SLC23A2: variants seen among roughly 807,000 people sequenced by gnomAD.
The protein encoded by SLC23A2 is Na(+)/L-ascorbic acid transporter 2.
In SLC23A2, 36 loss-of-function variants were observed where a neutral mutation model predicts 73.3. The observed-to-expected ratio is 0.49, with a 90% CI of 0.38 to 0.65. The LOEUF (loss-of-function observed/expected upper bound fraction) is 0.65, where lower values mean the gene tolerates loss of function less well. Among genes scored for constraint, SLC23A2 ranks in the 30% least tolerant of loss-of-function variants. The pLI is 0.00. For synonymous variants in SLC23A2, 343 were observed against 327.3 expected, an observed-to-expected ratio of 1.05 and a Z score of -0.52; for missense variants, 507 against 841.6, an observed-to-expected ratio of 0.60 and a Z score of 4.92.
rs1931783251 is a variant in SLC23A2, at chr20:4,902,459, T to C, written c.307A>G (p.Ile103Val). Residue 103 changes from isoleucine to valine, a missense_variant, in exon 5 of 17, where the codon ATA becomes GTA. Around this residue, in one of 5 missense-constraint regions of SLC23A2, gnomAD observed 217 missense variants for 398.0 expected, o/e 0.55. Coordinates refer to ENST00000338244, the MANE Select transcript of SLC23A2 (RefSeq NM_005116.6). This position sits in a 1 kb window ranked among gnomAD's most constrained non-coding sequence, Gnocchi z 4.0. ...IEDVPPWYLCIFLGLQHYLTC... is the reference protein window; with the variant it reads ...IEDVPPWYLCVFLGLQHYLTC... ...CATCTTACCTGTAGCCCCAGAAATA[T>C]ACACAGGTACCAGGGAGGAACATCT... 1.3e-6 allele frequency: 2 copies of C among 1,597,966 alleles called. No individual in the cohort carries two copies. The highest frequency in any genetic ancestry group is 1.1e-5 in the South Asian group (1 of 90,004).
intron 6 of SLC23A2, among the ~76,000 whole-genome samples, chr20:4,895,416 C>A (rs974775142): frequency 6.6e-6 from 1 of 152,104 alleles, no homozygotes; most frequent in East Asian, 1.9e-4. Flanking sequence ...TAATTCACAG[C>A]CTATGATGGA....
At chr20:4,959,754 C>T (rs1453209799) in intron 2 of SLC23A2, among the ~76,000 whole-genome samples, 1 of 152,130 alleles carries the variant, frequency 6.6e-6, no homozygotes, top group Admixed American at 6.6e-5. Flanking sequence ...ACCTCCAGAT[C>T]ACTGGGATTA....
At chr20:4,988,188 G>GCTA (rs2087861625) in intron 1 of SLC23A2, among the ~76,000 whole-genome samples, 1 of 151,796 alleles carries the variant, frequency 6.6e-6, no homozygotes, top group African/African-American at 2.4e-5. Flanking sequence ...TGTAATCCCA[G>GCTA]CTACTCAGGA....
At chr20:4,955,097 T>A (rs2087263463) in intron 2 of SLC23A2, among the ~76,000 whole-genome samples, 1 of 152,002 alleles carries the variant, frequency 6.6e-6, no homozygotes, top group South Asian at 2.1e-4. Flanking sequence ...AAAAATTATT[T>A]TTTTAATTAG....
At position 4,856,911 on chromosome 20, in the gene SLC23A2, A is replaced by C. The variant is rs1929732875; in HGVS notation, c.*61T>G. ...ACAAACATGTATTTTACTTCTTGTT[A>C]CTCAGCAAGGAACTACAGATACATG... is the stretch of plus-strand genomic sequence containing the variant. On this transcript the variant is annotated 3_prime_UTR_variant, in exon 17 of 17. Transcript: ENST00000338244. This position sits in a 1 kb window ranked among gnomAD's most constrained non-coding sequence, Gnocchi z 4.6. 1.9e-6 allele frequency: 2 copies of C among 1,033,860 alleles called. No homozygotes were observed. Among genetic ancestry groups the C allele is most frequent in the Non-Finnish European group, 3.0e-6 (2 of 672,922 alleles). 64.0% of individuals were successfully genotyped at this position (1,033,860 alleles called of 1,614,324 possible). A position where few individuals can be genotyped will look rare whatever the true frequency, so the allele number is the denominator to read the frequency against.
intron 2 of SLC23A2, among the ~76,000 whole-genome samples, chr20:4,960,606 C>G (rs777698065): frequency 2.0e-5 from 3 of 152,222 alleles, no homozygotes; most frequent in Non-Finnish European, 4.4e-5. Flanking sequence ...CACGCGCACA[C>G]GCACACACAC....
rs1360320813 is a variant in SLC23A2, at chr20:4,857,147, T to C, written c.1778A>G (p.Lys593Arg). Reference sequence around the variant, plus strand: ...GTACGACTCCATGCCGTCGAGTGATTTGTTCCCTTTGCCCACACCCTTCTT... The same window carrying C: ...GTACGACTCCATGCCGTCGAGTGATCTGTTCCCTTTGCCCACACCCTTCTT... ...KWKKGVGKGN[K>R]SLDGMESYNL... Residue 593 changes from lysine to arginine, a missense_variant, in exon 17 of 17, where the codon AAA becomes AGA. Physicochemically the swap from Lys to Arg is conservative, Grantham distance 26. Coordinates refer to ENST00000338244, the MANE Select transcript of SLC23A2 (RefSeq NM_005116.6). The surrounding 1 kb of genome is among the most constrained non-coding windows in gnomAD (Gnocchi z 4.0). 1.2e-6 allele frequency: 2 copies of C among 1,613,966 alleles called. No homozygotes were observed. Among genetic ancestry groups the C allele is most frequent in the East Asian group, 4.5e-5 (2 of 44,878 alleles).
intron 1 of SLC23A2, among the ~76,000 whole-genome samples, chr20:4,980,687 C>A (rs1487910090): frequency 6.6e-6 from 1 of 151,902 alleles, no homozygotes; most frequent in Non-Finnish European, 1.5e-5. Flanking sequence ...GCTGCCACCA[C>A]ACCCGGCTAA....
intron 2 of SLC23A2, among the ~76,000 whole-genome samples, chr20:4,942,754 C>T (rs1409763727): frequency 1.3e-5 from 2 of 152,198 alleles, no homozygotes; most frequent in Non-Finnish European, 2.9e-5. Flanking sequence ...CTGAGCTATT[C>T]GTGGAGTTAA....
chr20:4,861,122 A>T (rs970755261), intron 15 of SLC23A2, among the ~76,000 whole-genome samples: 1 of 152,232 alleles, frequency 6.6e-6, no homozygotes, highest in Non-Finnish European at 1.5e-5. Flanking sequence ...GAAGCCAGAT[A>T]CAAAAAGCCA....
Position 4,862,824 on chromosome 20 carries a change from C to T in SLC23A2, c.1440G>A (p.Ala480=), listed in dbSNP as rs34073337. ...GMIGKFSALF[A]SLPDPVLGAL... is the part of the protein sequence containing the mutation. The stretch of plus-strand genomic sequence containing the variant: ...CTCCCAGCACAGGATCCGGAAGGGA[C>T]GCAAAGAGGGCGCTGAACTTCCCGA... The change falls in exon 14 of 17, where the codon GCG becomes GCA. Residue 480 remains alanine (A), a synonymous_variant. Transcript: ENST00000338244. This position sits in a 1 kb window ranked among gnomAD's most constrained non-coding sequence, Gnocchi z 5.1. 5.9e-5 allele frequency: 95 copies of T among 1,613,760 alleles called. 1 individual carries two copies. The East Asian group carries it at 1.5e-3, about 25-fold the overall frequency.
At chr20:4,993,410 G>GAAAAAAAAAA (rs3055956) in intron 1 of SLC23A2, among the ~76,000 whole-genome samples, 14 of 121,502 alleles carry the variant, frequency 1.2e-4, no homozygotes, top group East Asian at 4.6e-4. Context: ...GCCAAAATCC[G>GAAAAAAAAAA]AAAAAAAAAA....
intron 11 of SLC23A2, among the ~76,000 whole-genome samples, chr20:4,871,245 CAAAA>C (rs1930435348): frequency 6.6e-6 from 1 of 152,140 alleles, no homozygotes; most frequent in Admixed American, 6.5e-5. Context: ...CAGGACACTC[CAAAA>C]GATCCAGGGA....
At chr20:4,986,278 A>T (rs2087825008) in intron 1 of SLC23A2, among the ~76,000 whole-genome samples, 1 of 152,108 alleles carries the variant, frequency 6.6e-6, no homozygotes, top group African/African-American at 2.4e-5. Flanking sequence ...CCTGGGCAAC[A>T]TAGAGAGACC....
chr20:4,874,964 C>A (rs1930596739), intron 9 of SLC23A2, among the ~76,000 whole-genome samples: 1 of 152,184 alleles, frequency 6.6e-6, no homozygotes, highest in Non-Finnish European at 1.5e-5. Context: ...CTTAGGACAG[C>A]TTTTCCTAAA....
intron 2 of SLC23A2, among the ~76,000 whole-genome samples, chr20:4,959,138 G>A (rs914727772): frequency 6.6e-6 from 1 of 151,416 alleles, no homozygotes; most frequent in Admixed American, 6.6e-5. Flanking sequence ...AGAATCACTT[G>A]AACCCAGGAG....
At chr20:4,900,789 A>T (rs1931715661) in intron 5 of SLC23A2, among the ~76,000 whole-genome samples, 1 of 151,814 alleles carries the variant, frequency 6.6e-6, no homozygotes, top group Non-Finnish European at 1.5e-5. Context: ...TAGTCCCAGC[A>T]CTCACGACTC....
intron 15 of SLC23A2, among the ~76,000 whole-genome samples, chr20:4,861,487 T>C (rs1568599997): frequency 2.6e-5 from 4 of 152,206 alleles, no homozygotes; most frequent in Non-Finnish European, 4.4e-5. Flanking sequence ...CTCAGGACAT[T>C]GCAGTGTTAA....
chr20:5,007,487 C>T (rs1325150870), intron 1 of SLC23A2, among the ~76,000 whole-genome samples: 1 of 152,254 alleles, frequency 6.6e-6, no homozygotes, highest in South Asian at 2.1e-4. Context: ...GCTGAAATCG[C>T]ACCACTGCGC....
Sources: gnomAD v4.1 joint callset for allele counts (sites outside exome capture counted in the v4.1 genomes callset) on GRCh38, gnomAD v4.1.1 for gene constraint, gnomAD v4.1.1 regional missense constraint, Gnocchi (gnomAD v3.1) non-coding constraint, MANE v1.5 for transcripts, NCBI Gene and HGNC (gene_info 2026-07-23, HGNC 2026-07-21) for gene names.